Variants in CADPS observed in about 807,000 individuals in gnomAD.
CADPS encodes the protein calcium dependent secretion activator.
Under a neutral mutation model 167.3 loss-of-function variants are expected in CADPS, and 57 were observed. The observed-to-expected ratio is 0.34, with a 90% confidence interval of 0.28 to 0.42. The LOEUF (loss-of-function observed/expected upper bound fraction) is 0.42. CADPS is among the 20% of genes least tolerant of loss of function. The pLI, the probability that CADPS is intolerant of heterozygous loss-of-function variation, is 1.00. For missense variants in CADPS, 1,414 were observed against 1,738.1 expected, an observed-to-expected ratio of 0.81 and a Z score of 3.32; for synonymous variants, 676 against 635.3, an observed-to-expected ratio of 1.06 and a Z score of -0.96.
chr3:62,602,676 C>T lies in CADPS; in HGVS notation c.1326-9928G>A, dbSNP rs773455298. On this transcript the variant is annotated intron_variant, in intron 6 of 29. Coordinates refer to ENST00000383710, the MANE Select transcript of CADPS (RefSeq NM_003716.4). This position sits in a 1 kb window ranked among gnomAD's most constrained non-coding sequence, Gnocchi z 4.4. Reference sequence around the variant, plus strand: ...CTACCTCTCATCTACATAAGTGAGGCGTTTGCTTTGTAGAAATTGGGCTGT... The same window carrying T: ...CTACCTCTCATCTACATAAGTGAGGTGTTTGCTTTGTAGAAATTGGGCTGT... Among the ~76,000 whole-genome samples the T allele has an allele frequency of 2.6e-5, 4 of 152,072 alleles. No individual in the cohort carries two copies. Among genetic ancestry groups the T allele is most frequent in the East Asian group, 3.9e-4 (2 of 5,176 alleles).
At chr3:62,796,793 G>A (rs304172) in intron 1 of CADPS, among the ~76,000 whole-genome samples, 11,954 of 152,112 alleles carry the variant, frequency 0.079, 646 homozygotes, top group African/African-American at 0.16. Context: ...GTGTTTTAGC[G>A]CTGCAGAGAG....
Position 62,695,637 on chromosome 3 carries a change from CTAATTTGCCACCA to C in CADPS, c.889-33256_889-33244del, listed in dbSNP as rs549940270. On this transcript the variant is annotated intron_variant, in intron 3 of 29. Transcript: ENST00000383710. ...CTGTAAGTTGTCTTGTCACTAAAACCTAATTTGCCACCATAACTGTTTTGGTTGCTTTTTTGTT... is the reference window on the plus strand; with the variant it reads ...CTGTAAGTTGTCTTGTCACTAAAACCTAACTGTTTTGGTTGCTTTTTTGTT... Among the ~76,000 whole-genome samples, 11 of 152,158 alleles carry C rather than the reference CTAATTTGCCACCA, an allele frequency of 7.2e-5. No homozygotes were observed. In the South Asian group the frequency reaches 2.3e-3, roughly 32 times the overall value.
rs999312344 is a variant in CADPS at position 62,433,651 on chromosome 3, C to T, written c.3777+4453G>A. On this transcript the variant is annotated intron_variant, in intron 28 of 29. Coordinates refer to ENST00000383710, the MANE Select transcript of CADPS (RefSeq NM_003716.4). This position sits in a 1 kb window ranked among gnomAD's most constrained non-coding sequence, Gnocchi z 4.7. ...TACCAATGTGGATTCCATCCAAGTT[C>T]GAGATGGCTTTTTAATCACTCATCT... is the stretch of plus-strand genomic sequence containing the variant. Among the ~76,000 whole-genome samples the T allele has an allele frequency of 1.2e-4, 19 of 152,234 alleles. No individual in the cohort carries two copies. The highest frequency in any genetic ancestry group is 9.6e-4 in the East Asian group (5 of 5,184).
rs775850925 is a variant in CADPS, at chr3:62,420,861, AACACAC to A, written c.3777+17237_3777+17242del. ...TTTTCTCTTTATGGGAGGGAGAACGAACACACACACACACACACACACACACACACA... is the reference window on the plus strand; with the variant it reads ...TTTTCTCTTTATGGGAGGGAGAACGAACACACACACACACACACACACACA... On this transcript the variant is annotated intron_variant, in intron 28 of 29. Transcript: ENST00000383710. This position sits in a 1 kb window ranked among gnomAD's most constrained non-coding sequence, Gnocchi z 4.1. Among the ~76,000 whole-genome samples, 2,618 of 133,910 alleles carry A rather than the reference AACACAC, an allele frequency of 0.02. 64 individuals are homozygous for A. The highest frequency in any genetic ancestry group is 0.097 in the East Asian group (451 of 4,626). The allele number at this position is 133,910 out of a possible 152,430, so 87.9% of individuals were successfully genotyped here. A position where few individuals can be genotyped will look rare whatever the true frequency, so the allele number is the denominator to read the frequency against.
At chr3:62,621,334 G>C (rs2063138416) in intron 6 of CADPS, among the ~76,000 whole-genome samples, 1 of 151,988 alleles carries the variant, frequency 6.6e-6, no homozygotes, top group South Asian at 2.1e-4. Context: ...GTGTCCCTGT[G>C]GCAGATCAGA....
chr3:62,628,522 G>A (rs1983251), intron 6 of CADPS, among the ~76,000 whole-genome samples: 137,197 of 152,058 alleles, frequency 0.9, 62,780 homozygotes, highest in East Asian at 1. Flanking sequence ...TGGTTGCTCA[G>A]CCTCCAAACC....
intron 1 of CADPS, among the ~76,000 whole-genome samples, chr3:62,854,266 T>C (rs1284424678): frequency 6.6e-6 from 1 of 152,184 alleles, no homozygotes; most frequent in Admixed American, 6.5e-5. Context: ...ACCTCCCCGT[T>C]AAAAAAGTAA....
Position 62,465,087 on chromosome 3 carries a change from T to C in CADPS, c.3636+280A>G, listed in dbSNP as rs747672760. ...TTTGCCAGAGCTAGCTAAGGTGGGC[T>C]TAGGTAGGCAAATCTCTGGATGCAT... On this transcript the variant is annotated intron_variant, in intron 26 of 29. Transcript: ENST00000383710. The surrounding 1 kb of genome is among the most constrained non-coding windows in gnomAD (Gnocchi z 4.1). 1.3e-5 allele frequency among the ~76,000 whole-genome samples: 2 copies of C among 152,202 alleles called. No individual in the cohort carries two copies. Among genetic ancestry groups the C allele is most frequent in the African/African-American group, 2.4e-5 (1 of 41,440 alleles).
At chr3:62,475,932 C>A (rs2061264779) in intron 23 of CADPS, among the ~76,000 whole-genome samples, 1 of 152,092 alleles carries the variant, frequency 6.6e-6, no homozygotes, top group South Asian at 2.1e-4. Context: ...TGTTCATAGC[C>A]CTTGGAGTGC....
rs2052368930 is a variant in CADPS, at chr3:62,425,196, C to A, written c.3777+12908G>T. On this transcript the variant is annotated intron_variant, in intron 28 of 29. Coordinates refer to ENST00000383710, the MANE Select transcript of CADPS (RefSeq NM_003716.4). ...CAGAAATAAACATGTATTTCAGTAT[C>A]TTTTATCCTTAGAGTCAGGGTTCAG... Among the ~76,000 whole-genome samples, 3 of 152,268 alleles carry A rather than the reference C, an allele frequency of 2.0e-5. No homozygotes were observed. In the South Asian group the frequency reaches 6.2e-4, roughly 32 times the overall value.
chr3:62,671,214 G>T (rs1019054409), intron 3 of CADPS, among the ~76,000 whole-genome samples: 3 of 151,980 alleles, frequency 2.0e-5, no homozygotes, highest in South Asian at 2.1e-4. Context: ...CAAGGTTAAG[G>T]CCATAATGTA....
intron 3 of CADPS, among the ~76,000 whole-genome samples, chr3:62,669,260 C>A (rs1195427449): frequency 6.6e-6 from 1 of 152,164 alleles, no homozygotes; most frequent in African/African-American, 2.4e-5. Flanking sequence ...GGAGGCACCT[C>A]CCCATAAAGC....
At chr3:62,454,816 G>A (rs1169793400) in intron 26 of CADPS, among the ~76,000 whole-genome samples, 1 of 152,054 alleles carries the variant, frequency 6.6e-6, no homozygotes, top group East Asian at 1.9e-4. Context: ...TGATTGTACG[G>A]CTTCTGTGCA....
chr3:62,437,372 G>A (rs1221280452), intron 28 of CADPS, among the ~76,000 whole-genome samples: 2 of 144,112 alleles, frequency 1.4e-5, no homozygotes, highest in Admixed American at 1.4e-4. Context: ...TTTTGCCTCA[G>A]TGGCTTGCTT....
intron 12 of CADPS, among the ~76,000 whole-genome samples, chr3:62,534,126 T>C (rs1214042304): frequency 6.6e-6 from 1 of 152,222 alleles, no homozygotes; most frequent in Non-Finnish European, 1.5e-5. Flanking sequence ...TTTTCTGGTT[T>C]CAGTGTCTGT....
chr3:62,559,015 T>G (rs752801712), intron 9 of CADPS, among the ~76,000 whole-genome samples: 28 of 152,362 alleles, frequency 1.8e-4, no homozygotes, highest in Middle Eastern at 3.4e-3. Flanking sequence ...CTGTCCGTTC[T>G]GTAAGCCTCA....
chr3:62,865,354 C>T (rs1166358683), intron 1 of CADPS, among the ~76,000 whole-genome samples: 2 of 134,280 alleles, frequency 1.5e-5, no homozygotes, highest in African/African-American at 5.6e-5. Context: ...GGGTTTGTAA[C>T]TTAGCATGTG....
At chr3:62,435,673 T>A (rs2054863635) in intron 28 of CADPS, among the ~76,000 whole-genome samples, 1 of 152,102 alleles carries the variant, frequency 6.6e-6, no homozygotes, top group Admixed American at 6.6e-5. Flanking sequence ...AAAAATTTTT[T>A]TTTTTCCACG....
At chr3:62,775,345 G>A (rs536187331) in intron 1 of CADPS, among the ~76,000 whole-genome samples, 3 of 152,114 alleles carry the variant, frequency 2.0e-5, no homozygotes, top group East Asian at 1.9e-4. Context: ...TAGCCACTGC[G>A]CCTGGCCCGT....
Sources: gnomAD v4.1 joint callset for allele counts (sites outside exome capture counted in the v4.1 genomes callset) on GRCh38, gnomAD v4.1.1 for gene constraint, Gnocchi (gnomAD v3.1) non-coding constraint, MANE v1.5 for transcripts, NCBI Gene and HGNC (gene_info 2026-07-23, HGNC 2026-07-21) for gene names.